TPGS2: variants seen among roughly 807,000 people sequenced by gnomAD.
TPGS2 encodes polyglutamylase subunit 2.
TPGS2 carries 26 observed loss-of-function variants against 31.1 expected under a neutral mutation model. The observed-to-expected ratio is 0.84, with a 90% CI of 0.61 to 1.16. The LOEUF (loss-of-function observed/expected upper bound fraction) is 1.16. TPGS2 is among the 50% of genes most tolerant of loss of function. The probability of loss-of-function intolerance (pLI) is 0.00; values close to 1 mark genes in which losing one functional copy is unlikely to be tolerated. For synonymous variants in TPGS2, 130 were observed against 136.6 expected, an observed-to-expected ratio of 0.95 and a Z score of 0.34; for missense variants, 351 against 363.8, an observed-to-expected ratio of 0.96 and a Z score of 0.29.
In TPGS2 at chr18:36,795,839, A is replaced by C; in HGVS notation, c.*966T>G. 5.1e-6 allele frequency: 5 copies of C among 985,504 alleles called. No homozygotes were observed. In the South Asian group the frequency reaches 2.3e-4, roughly 46 times the overall value. The allele number at this position is 985,504 out of a possible 1,614,324, so 61.0% of individuals were successfully genotyped here. On this transcript the variant is annotated 3_prime_UTR_variant, in exon 7 of 7. Transcript: ENST00000334295. ...TGAGGCTGGACAACTCAGAGCTGTG[A>C]AGAGGCAGGCAGAGCAGGTGGAAAG...
intron 6 of TPGS2, chr18:36,787,084 TG>T: frequency 1.6e-6 from 2 of 1,232,674 alleles, no homozygotes; most frequent in Non-Finnish European, 2.0e-6. Context: ...AGTTATCTGG[TG>T]CAGATGGAAA....
In TPGS2 at chr18:36,794,795, T is replaced by G. The variant is rs1285048776; in HGVS notation, c.*2010A>C. The G allele has an allele frequency of 2.0e-6, 2 of 984,200 alleles. No individual in the cohort carries two copies. The highest frequency in any genetic ancestry group is 2.4e-6 in the Non-Finnish European group (2 of 829,930). 61.0% of individuals were successfully genotyped at this position (984,200 alleles called of 1,614,324 possible). On this transcript the variant is annotated 3_prime_UTR_variant, in exon 7 of 7. Transcript: ENST00000334295. ...CTAAACAACTAAAAGGGCCAAAATG[T>G]CTCCTAGAGAATATGTGACAGTCAT...
rs34680547 is a variant in TPGS2, at chr18:36,796,772, CTG to C, written c.*31_*32del. On this transcript the variant is annotated 3_prime_UTR_variant, in exon 7 of 7. Coordinates refer to ENST00000334295, the MANE Select transcript of TPGS2 (RefSeq NM_015476.4). ...CCATCTGTGCATGGAAACCACCACTCTGGAGCTGGTAGGGAGTTGGAGGGAGG... is the reference window on the plus strand; with the variant it reads ...CCATCTGTGCATGGAAACCACCACTCGAGCTGGTAGGGAGTTGGAGGGAGG... 0.14 allele frequency: 226,856 copies of C among 1,581,356 alleles called. 17,824 individuals carry two copies. Among genetic ancestry groups the C allele is most frequent in the Admixed American group, 0.16 (8,144 of 50,082 alleles).
At chr18:36,792,367 T>G (rs1015540429), downstream of TPGS2, among the ~76,000 whole-genome samples, 2 of 152,232 alleles carry the variant, frequency 1.3e-5, no homozygotes, top group African/African-American at 4.8e-5. Flanking sequence ...GATGGATACA[T>G]GGGGATTCAT....
chr18:36,827,840 TTTA>T (rs2046242589), intron 1 of TPGS2, among the ~76,000 whole-genome samples: 2 of 152,170 alleles, frequency 1.3e-5, no homozygotes, highest in Admixed American at 6.5e-5. Flanking sequence ...ACCTCATTTG[TTTA>T]TTTTTTTCAC....
At chr18:36,823,492 G>A (rs1231518885) in intron 1 of TPGS2, among the ~76,000 whole-genome samples, 7 of 108,534 alleles carry the variant, frequency 6.4e-5, no homozygotes, top group African/African-American at 2.2e-4. Context: ...ACGGAGTCTC[G>A]CTCTGTCGCC....
rs2044543433 is a variant in TPGS2 at position 36,796,734 on chromosome 18, G to A, written c.*71C>T. On this transcript the variant is annotated 3_prime_UTR_variant, in exon 7 of 7. Coordinates refer to ENST00000334295, the MANE Select transcript of TPGS2 (RefSeq NM_015476.4). ...CTACGGTCCACACGCAAAACTGGAG[G>A]TCACCCCTAGGGCCATCTGTGCATG... The A allele has an allele frequency of 2.6e-6, 4 of 1,524,250 alleles. No homozygotes were observed. The East Asian group carries it at 7.1e-5, about 27-fold the overall frequency. 94.4% of individuals were successfully genotyped at this position (1,524,250 alleles called of 1,614,324 possible).
At chr18:36,817,638 A>G (rs2045715889) in intron 2 of TPGS2, 1 of 151,998 alleles carries the variant, frequency 6.6e-6, no homozygotes, top group Non-Finnish European at 1.5e-5. Flanking sequence ...GAGTATTGCC[A>G]TGTTGTCCAG....
At chr18:36,798,372 G>GA in intron 6 of TPGS2, 77 bp downstream of exon 6, 3 of 1,595,128 alleles carry the variant, frequency 1.9e-6, no homozygotes, top group Non-Finnish European at 2.6e-6. Flanking sequence ...GGGAAGTTGG[G>GA]AACCTGCAAT....
At chr18:36,798,121 G>T in intron 6 of TPGS2, 1 of 1,104,604 alleles carries the variant, frequency 9.1e-7, no homozygotes, top group Non-Finnish European at 1.1e-6. Flanking sequence ...ACAGGGGAGT[G>T]AGAATCTGAC....
At position 36,796,535 on chromosome 18, in the gene TPGS2, T is replaced by G; in HGVS notation, c.*270A>C. The G allele has an allele frequency of 8.0e-7, 1 of 1,257,606 alleles. No homozygotes were observed. The highest frequency in any genetic ancestry group is 3.7e-5 in the East Asian group (1 of 26,726). 77.9% of individuals were successfully genotyped at this position (1,257,606 alleles called of 1,614,324 possible). A position where few individuals can be genotyped will look rare whatever the true frequency, so the allele number is the denominator to read the frequency against. On this transcript the variant is annotated 3_prime_UTR_variant, in exon 7 of 7. Coordinates refer to ENST00000334295, the MANE Select transcript of TPGS2 (RefSeq NM_015476.4). ...TGCTAAGGGATTGAGGGTTGAGTGT[T>G]GAAGAAGAGGAAAGCACTCAGACTT...
At chr18:36,817,419 A>G (rs2045702977) in intron 2 of TPGS2, among the ~76,000 whole-genome samples, 1 of 151,132 alleles carries the variant, frequency 6.6e-6, no homozygotes, top group African/African-American at 2.4e-5. Flanking sequence ...CTCAGAACAA[A>G]TTTTTCTTTC....
At chr18:36,823,601 C>CAT (rs2045999453) in intron 1 of TPGS2, among the ~76,000 whole-genome samples, 1 of 150,834 alleles carries the variant, frequency 6.6e-6, no homozygotes, top group Non-Finnish European at 1.5e-5. Context: ...GCTGGGACTA[C>CAT]AGGCGCCCGC....
intron 2 of TPGS2, among the ~76,000 whole-genome samples, chr18:36,815,152 C>T (rs1188532203): frequency 6.6e-6 from 1 of 152,182 alleles, no homozygotes; most frequent in Non-Finnish European, 1.5e-5. Context: ...TTATCAGCCC[C>T]TTGGGATCCT....
Position 36,805,422 on chromosome 18 carries a change from G to C in TPGS2, c.334C>G (p.Leu112Val). ...TQLTQSSMYSLPNAPTLADLE... is the reference protein window; with the variant it reads ...TQLTQSSMYSVPNAPTLADLE... ...TCTGCCAGAGTGGGTGCATTAGGAAGTGAATACATGGAAGACTGGGTGAGC... is the reference window on the plus strand; with the variant it reads ...TCTGCCAGAGTGGGTGCATTAGGAACTGAATACATGGAAGACTGGGTGAGC... Residue 112 changes from leucine to valine, a missense_variant, in exon 4 of 7, where the codon CTT becomes GTT. Leu to Val is a conservative substitution (Grantham distance 32, BLOSUM62 1). Coordinates refer to ENST00000334295, the MANE Select transcript of TPGS2 (RefSeq NM_015476.4). 1 of 1,614,050 alleles carries C rather than the reference G, an allele frequency of 6.2e-7. No homozygotes were observed. The highest frequency in any genetic ancestry group is 1.1e-5 in the South Asian group (1 of 91,080).
intron 2 of TPGS2, among the ~76,000 whole-genome samples, chr18:36,811,159 C>T (rs1458625505): frequency 6.6e-6 from 1 of 152,218 alleles, no homozygotes; most frequent in Non-Finnish European, 1.5e-5. Flanking sequence ...GCAATGAGCA[C>T]AACGGCATCT....
downstream of TPGS2, among the ~76,000 whole-genome samples, chr18:36,790,497 GTT>G (rs769114144): frequency 1.8e-4 from 27 of 152,190 alleles, no homozygotes; most frequent in Non-Finnish European, 3.4e-4. Context: ...AAGGATGTGA[GTT>G]TACAAAGATC....
intron 2 of TPGS2, chr18:36,818,647 C>T (rs142323008): frequency 2.4e-5 from 10 of 423,482 alleles, no homozygotes; most frequent in African/African-American, 1.4e-4. Context: ...CTTTGTTGTA[C>T]ACAACTTTGA....
At chr18:36,827,670 C>T (rs780577766) in intron 1 of TPGS2, among the ~76,000 whole-genome samples, 1 of 152,160 alleles carries the variant, frequency 6.6e-6, no homozygotes, top group Non-Finnish European at 1.5e-5. Context: ...TCTTAAAAGA[C>T]CTTTCTCCTC....
Sources: gnomAD v4.1 joint callset for allele counts (sites outside exome capture counted in the v4.1 genomes callset) on GRCh38, gnomAD v4.1.1 for gene constraint, MANE v1.5 for transcripts, NCBI Gene and HGNC (gene_info 2026-07-23, HGNC 2026-07-21) for gene names.